ARHGEF3: variants seen among roughly 807,000 people sequenced by gnomAD.
The protein encoded by ARHGEF3 is 59.8 kDA protein.
ARHGEF3 carries 28 observed loss-of-function variants against 63.2 expected under a neutral mutation model. The observed-to-expected ratio is 0.44, with a 90% confidence interval of 0.33 to 0.61. The LOEUF (loss-of-function observed/expected upper bound fraction) is 0.61. Ranked by LOEUF, ARHGEF3 falls within the 20% of genes least tolerant of loss-of-function variation. ARHGEF3 has a pLI of 0.03. For missense variants in ARHGEF3, 533 were observed against 659.3 expected, an observed-to-expected ratio of 0.81 and a Z score of 2.10; for synonymous variants, 266 against 254.2, an observed-to-expected ratio of 1.05 and a Z score of -0.44.
At chr3:56,935,669 C>T (rs1276689841) in intron 3 of ARHGEF3, among the ~76,000 whole-genome samples, 4 of 151,938 alleles carry the variant, frequency 2.6e-5, no homozygotes, top group African/African-American at 7.3e-5. Context: ...CCTGAGCCAG[C>T]GAGACCACGA....
chr3:56,892,324 G>A (rs1560026535), intron 3 of ARHGEF3, among the ~76,000 whole-genome samples: 1 of 152,096 alleles, frequency 6.6e-6, no homozygotes, highest in Admixed American at 6.5e-5. Context: ...ATTTTCAACA[G>A]TGGATGTGAC....
chr3:57,079,006 C>G (rs1706341561), intron 1 of ARHGEF3: 1 of 339,992 alleles, frequency 2.9e-6, no homozygotes, highest in Non-Finnish European at 5.3e-6. Context: ...GGGCATACCC[C>G]AGACCAGGGA....
chr3:56,852,667 A>T (rs2039719292), intron 4 of ARHGEF3, among the ~76,000 whole-genome samples: 1 of 150,916 alleles, frequency 6.6e-6, no homozygotes, highest in African/African-American at 2.4e-5. Context: ...AGAAAAAAAA[A>T]ACCTACCGAA....
chr3:56,974,494 G>T (rs896683714), intron 2 of ARHGEF3, among the ~76,000 whole-genome samples: 13 of 152,080 alleles, frequency 8.5e-5, no homozygotes, highest in African/African-American at 3.1e-4. Flanking sequence ...ACTGTCAGCT[G>T]GTCTAATTAG....
intron 4 of ARHGEF3, among the ~76,000 whole-genome samples, chr3:56,829,955 G>A (rs1359665694): frequency 2.0e-5 from 3 of 152,142 alleles, no homozygotes; most frequent in Admixed American, 6.5e-5. Flanking sequence ...GACAGTTTAG[G>A]ATTTACTATC....
chr3:56,832,688 C>A (rs1001990073), intron 4 of ARHGEF3, among the ~76,000 whole-genome samples: 1 of 152,206 alleles, frequency 6.6e-6, no homozygotes, highest in Non-Finnish European at 1.5e-5. Flanking sequence ...ATTATATTCA[C>A]AATGCTGTAC....
At chr3:56,935,431 TC>T (rs568420001) in intron 3 of ARHGEF3, among the ~76,000 whole-genome samples, 1 of 152,062 alleles carries the variant, frequency 6.6e-6, no homozygotes, top group African/African-American at 2.4e-5. Context: ...CCCGCTGGGG[TC>T]CCCTTCCACA....
intron 3 of ARHGEF3, among the ~76,000 whole-genome samples, chr3:56,915,868 T>C (rs905240072): frequency 6.6e-6 from 1 of 152,190 alleles, no homozygotes; most frequent in Non-Finnish European, 1.5e-5. Flanking sequence ...TGTGATTAAA[T>C]AGCAACAACA....
At chr3:56,789,813 A>T (rs2036995199) in intron 1 of ARHGEF3, among the ~76,000 whole-genome samples, 1 of 152,242 alleles carries the variant, frequency 6.6e-6, no homozygotes, top group Non-Finnish European at 1.5e-5. Context: ...CCATAAACAG[A>T]AACTAACTTT....
At chr3:56,892,641 A>C (rs1362425274) in intron 3 of ARHGEF3, among the ~76,000 whole-genome samples, 1 of 152,226 alleles carries the variant, frequency 6.6e-6, no homozygotes, top group Admixed American at 6.5e-5. Flanking sequence ...ATTTCTAGAA[A>C]ACTACTCCAT....
Position 56,728,177 on chromosome 3 carries a change from A to C in ARHGEF3, c.*1093T>G. The C allele has an allele frequency of 6.6e-6, 1 of 152,608 alleles. No individual in the cohort carries two copies. Among genetic ancestry groups the C allele is most frequent in the East Asian group, 1.9e-4 (1 of 5,200 alleles). 9.5% of individuals were successfully genotyped at this position (152,608 alleles called of 1,614,324 possible). ...ATGAAATTGGCCTCTGGAGAACATAATTACAATTCTGATTATAGCACAGAA... is the reference window on the plus strand; with the variant it reads ...ATGAAATTGGCCTCTGGAGAACATACTTACAATTCTGATTATAGCACAGAA... On this transcript the variant is annotated 3_prime_UTR_variant, in exon 10 of 10. Transcript: ENST00000296315.
intron 4 of ARHGEF3, among the ~76,000 whole-genome samples, chr3:56,823,570 T>C (rs1231061095): frequency 3.9e-5 from 6 of 152,168 alleles, no homozygotes; most frequent in Non-Finnish European, 1.5e-5. Flanking sequence ...TGGAAGTGCT[T>C]TGGAATCTAT....
chr3:57,027,110 G>A (rs79232606), intron 2 of ARHGEF3, among the ~76,000 whole-genome samples: 2,361 of 152,282 alleles, frequency 0.016, 82 homozygotes, highest in African/African-American at 0.053. Context: ...CTAATGCCAC[G>A]TGCTAGACAT....
intron 1 of ARHGEF3, among the ~76,000 whole-genome samples, chr3:56,786,359 G>T (rs1320618325): frequency 6.6e-6 from 1 of 152,182 alleles, no homozygotes; most frequent in Non-Finnish European, 1.5e-5. Flanking sequence ...AAACTGTGAG[G>T]TAAGTAATCT....
At chr3:57,035,183 T>TA in intron 1 of ARHGEF3, 1 of 1,462,060 alleles carries the variant, frequency 6.8e-7, no homozygotes, top group Non-Finnish European at 9.1e-7. Context: ...TCTCCTTTTT[T>TA]AAAAAGCAAA....
chr3:57,021,465 A>C (rs1403247411), intron 2 of ARHGEF3, among the ~76,000 whole-genome samples: 1 of 152,194 alleles, frequency 6.6e-6, no homozygotes, highest in African/African-American at 2.4e-5. Context: ...AGTTAACATT[A>C]TTCAGGAAGC....
chr3:56,867,941 T>C (rs2108213317), intron 4 of ARHGEF3, among the ~76,000 whole-genome samples: 1 of 152,302 alleles, frequency 6.6e-6, no homozygotes, highest in Non-Finnish European at 1.5e-5. Flanking sequence ...CTGGCTCTAT[T>C]TATCAAACCA....
At chr3:56,828,349 C>A (rs2038807894) in intron 4 of ARHGEF3, among the ~76,000 whole-genome samples, 1 of 152,060 alleles carries the variant, frequency 6.6e-6, no homozygotes, top group Non-Finnish European at 1.5e-5. Flanking sequence ...GCCTGGCCAA[C>A]ATGGTGAAAC....
In ARHGEF3 at chr3:56,981,827, A is replaced by T. The variant is rs781698208; in HGVS notation, c.63-22938T>A. ...CTTAATCCAAGTGTTGTCAGAGTGG[A>T]CATCTGCTGTTCCTCACTGCCCAGC... On this transcript the variant is annotated intron_variant, in intron 2 of 12. Transcript: ENST00000338458. 9.1e-4 allele frequency among the ~76,000 whole-genome samples: 139 copies of T among 152,272 alleles called. 1 individual carries two copies. Among genetic ancestry groups the T allele is most frequent in the Admixed American group, 6.5e-4 (10 of 15,294 alleles).
Sources: gnomAD v4.1 joint callset for allele counts (sites outside exome capture counted in the v4.1 genomes callset) on GRCh38, gnomAD v4.1.1 for gene constraint, MANE v1.5 for transcripts, NCBI Gene and HGNC (gene_info 2026-07-23, HGNC 2026-07-21) for gene names.